The following FAM222B variants were observed in gnomAD, a reference collection of about 807,000 sequenced individuals.
The protein encoded by FAM222B is family with sequence similarity 222 member B.
Under a neutral mutation model 38.0 loss-of-function variants are expected in FAM222B, and 12 were observed. The ratio of observed to expected loss-of-function variants is 0.32; its 90% CI spans 0.20 to 0.51. The LOEUF is 0.51. Among genes scored for constraint, FAM222B ranks in the 20% least tolerant of loss-of-function variants. The probability of loss-of-function intolerance (pLI) is 0.97; values close to 1 mark genes in which losing one functional copy is unlikely to be tolerated. For synonymous variants in FAM222B, 329 were observed against 317.2 expected, an observed-to-expected ratio of 1.04 and a Z score of -0.40; for missense variants, 716 against 754.2, an observed-to-expected ratio of 0.95 and a Z score of 0.59.
At position 28,796,399 on chromosome 17, in the gene FAM222B, C is replaced by G. The variant is rs574964727; in HGVS notation, c.-40-29692G>C. On this transcript the variant is annotated intron_variant, in intron 1 of 2. Coordinates refer to ENST00000581407, the MANE Select transcript of FAM222B (RefSeq NM_001077498.3). ...CCAGTTAATACCCAGCATGTTGGGC[C>G]AGGAGAAAAATCATTAACTGGTGCT... Among the ~76,000 whole-genome samples the G allele has an allele frequency of 4.5e-4, 68 of 152,248 alleles. 2 individuals carry two copies. The highest frequency in any genetic ancestry group is 1.3e-3 in the Admixed American group (20 of 15,276).
At chr17:28,851,161 G>T (rs2039178559) in intron 1 of FAM222B, among the ~76,000 whole-genome samples, 1 of 151,668 alleles carries the variant, frequency 6.6e-6, no homozygotes, top group Admixed American at 6.6e-5. Context: ...CAAGGCTAGG[G>T]GCAGTAACTC....
chr17:28,762,691 C>A (rs1283005992), intron 2 of FAM222B, among the ~76,000 whole-genome samples: 3 of 146,500 alleles, frequency 2.0e-5, no homozygotes, highest in Non-Finnish European at 4.5e-5. Context: ...GTAATCCCAG[C>A]ACTTTGGGAG....
chr17:28,831,045 G>A (rs1394745474), intron 1 of FAM222B, among the ~76,000 whole-genome samples: 1 of 148,510 alleles, frequency 6.7e-6, no homozygotes, highest in Non-Finnish European at 1.5e-5. Context: ...ACCTTGGCTG[G>A]AATGTAGTGG....
rs944932152 is a variant in FAM222B, at chr17:28,831,681, A to AT, written c.-41+11000dup. On this transcript the variant is annotated intron_variant, in intron 1 of 2. Transcript: ENST00000581407. ...GCAACTATGCCAGGCTAATTTTTGTATTTTTTTGTAGAGATGGGATTTCAC... is the reference window on the plus strand; with the variant it reads ...GCAACTATGCCAGGCTAATTTTTGTATTTTTTTTGTAGAGATGGGATTTCAC... Among the ~76,000 whole-genome samples, 7 of 151,004 alleles carry AT rather than the reference A, an allele frequency of 4.6e-5. No individual in the cohort carries two copies. The East Asian group carries it at 7.8e-4, about 17-fold the overall frequency.
intron 1 of FAM222B, among the ~76,000 whole-genome samples, chr17:28,839,064 A>T (rs964716360): frequency 2.0e-5 from 3 of 151,802 alleles, no homozygotes; most frequent in African/African-American, 7.3e-5. Flanking sequence ...GAAATTAGCC[A>T]GGCATGGTGG....
rs2034856489 is a variant in FAM222B, at chr17:28,758,667, G to A, written c.1292C>T (p.Pro431Leu). 1 of 1,607,492 alleles carries A rather than the reference G, an allele frequency of 6.2e-7. No homozygotes were observed. Among genetic ancestry groups the A allele is most frequent in the East Asian group, 2.2e-5 (1 of 44,722 alleles). Reference protein sequence around the residue: ...HLKPPLEKPTPSPPVNGMAAP... With the variant: ...HLKPPLEKPTLSPPVNGMAAP... The stretch of plus-strand genomic sequence containing the variant: ...TGCCATGCCGTTGACTGGTGGGGAT[G>A]GGGTCGGCTTTTCCAGGGGTGGCTT... The change falls in exon 3 of 3, where the codon CCA becomes CTA. Residue 431 changes from proline to leucine, a missense_variant. Transcript: ENST00000581407.
chr17:28,827,319 T>C (rs558695732), intron 1 of FAM222B, among the ~76,000 whole-genome samples: 2 of 151,804 alleles, frequency 1.3e-5, no homozygotes, highest in South Asian at 2.1e-4. Flanking sequence ...GACAGTGCCA[T>C]GGCACTCCAA....
chr17:28,785,761 C>T (rs1203749438), intron 1 of FAM222B, among the ~76,000 whole-genome samples: 2 of 150,902 alleles, frequency 1.3e-5, no homozygotes, highest in African/African-American at 2.4e-5. Flanking sequence ...AGTGCAATGA[C>T]GCAATCTCGC....
At chr17:28,813,524 C>CT (rs36026990) in intron 1 of FAM222B, among the ~76,000 whole-genome samples, 214 of 147,796 alleles carry the variant, frequency 1.4e-3, no homozygotes, top group East Asian at 7.8e-3. Flanking sequence ...ACAGTTGTTT[C>CT]TTTTTTTTTT....
At position 28,758,886 on chromosome 17, in the gene FAM222B, C is replaced by G; in HGVS notation, c.1073G>C (p.Ser358Thr). The G allele has an allele frequency of 3.1e-6, 5 of 1,608,560 alleles. No individual in the cohort carries two copies. Among genetic ancestry groups the G allele is most frequent in the South Asian group, 1.1e-5 (1 of 90,010 alleles). The change falls in exon 3 of 3, where the codon AGC (serine) becomes ACC (threonine). Residue 358 changes from serine (S) to threonine (T), a missense_variant. Physicochemically the swap from Ser to Thr is moderately conservative, Grantham distance 58 (BLOSUM62 1). Coordinates refer to ENST00000581407, the MANE Select transcript of FAM222B (RefSeq NM_001077498.3). The stretch of plus-strand genomic sequence containing the variant: ...GTTCCAGGTGACTGGCTTGAGGTCG[C>G]TAGGGTAGCCAGTGGGGACGCGAGA... ...GISRVPTGYPSDLKPVTWNQH... is the reference protein window; with the variant it reads ...GISRVPTGYPTDLKPVTWNQH...
intron 1 of FAM222B, among the ~76,000 whole-genome samples, chr17:28,854,194 C>T (rs2039207081): frequency 6.6e-6 from 1 of 152,138 alleles, no homozygotes; most frequent in Non-Finnish European, 1.5e-5. Flanking sequence ...CCGCCCGCCT[C>T]GGCCTCCCAA....
chr17:28,773,419 C>G (rs1364286138), intron 1 of FAM222B, among the ~76,000 whole-genome samples: 1 of 123,208 alleles, frequency 8.1e-6, no homozygotes, highest in Non-Finnish European at 1.6e-5. Context: ...GTGGAGGTTG[C>G]AATGAGCTTA....
At position 28,853,946 on chromosome 17, in the gene FAM222B, T is replaced by C. The variant is rs115629413; in HGVS notation, c.-41+1004A>G. ...ACCAAAGTTTATCTCTGTTTCTTTT[T>C]TTTTTTTTTTTTTTTGAGATGGAGT... On this transcript the variant is annotated intron_variant, in intron 1 of 2. Transcript: ENST00000577513. Among the ~76,000 whole-genome samples, 583 of 147,932 alleles carry C rather than the reference T, an allele frequency of 3.9e-3. 6 individuals are homozygous for C. The highest frequency in any genetic ancestry group is 0.014 in the African/African-American group (558 of 40,076).
chr17:28,840,955 C>G (rs11652272), intron 1 of FAM222B, among the ~76,000 whole-genome samples: 28,641 of 149,464 alleles, frequency 0.19, 2,805 homozygotes, highest in South Asian at 0.3. Context: ...AGCAAGACTC[C>G]TTCACCCACC....
chr17:28,757,315 T>TGG lies in FAM222B; in HGVS notation c.*954_*955insCC, dbSNP rs2034749374. Reference sequence around the variant, plus strand: ...CCCACACTACATTCATACAGAAACGTAACGTTTAAAACTTACAGTGTAGAG... The same window carrying TGG: ...CCCACACTACATTCATACAGAAACGTGGAACGTTTAAAACTTACAGTGTAGAG... On this transcript the variant is annotated 3_prime_UTR_variant, in exon 3 of 3. Coordinates refer to ENST00000581407, the MANE Select transcript of FAM222B (RefSeq NM_001077498.3). 1 of 152,248 alleles carries TGG rather than the reference T, an allele frequency of 6.6e-6. No individual in the cohort carries two copies. Among genetic ancestry groups the TGG allele is most frequent in the South Asian group, 2.1e-4 (1 of 4,822 alleles). 9.4% of individuals were successfully genotyped at this position (152,248 alleles called of 1,614,324 possible).
intron 1 of FAM222B, among the ~76,000 whole-genome samples, chr17:28,814,935 G>A (rs903259314): frequency 4.0e-5 from 6 of 151,108 alleles, no homozygotes; most frequent in South Asian, 2.1e-4. Flanking sequence ...CACCGTGCCC[G>A]GCTAATTTTT....
intron 1 of FAM222B, among the ~76,000 whole-genome samples, chr17:28,776,526 G>A (rs921609012): frequency 2.1e-5 from 3 of 139,614 alleles, no homozygotes; most frequent in Non-Finnish European, 4.5e-5. Context: ...GCACAAACAC[G>A]GCTCACTGTA....
At chr17:28,767,427 G>A (rs1032491421) in intron 1 of FAM222B, among the ~76,000 whole-genome samples, 5 of 148,180 alleles carry the variant, frequency 3.4e-5, no homozygotes, top group Admixed American at 1.4e-4. Context: ...CAAAGTGCCG[G>A]GATTACAGGT....
upstream of FAM222B, among the ~76,000 whole-genome samples, chr17:28,843,138 C>CTT (rs1354572041): frequency 5.0e-5 from 4 of 80,296 alleles, no homozygotes; most frequent in Admixed American, 1.2e-4. Flanking sequence ...AAATTTGGGT[C>CTT]TTTTTTTTTT....
Sources: allele counts gnomAD v4.1 joint callset (sites outside exome capture counted in the v4.1 genomes callset), GRCh38; gene constraint gnomAD v4.1.1; transcripts MANE v1.5; gene names NCBI Gene and HGNC (gene_info 2026-07-23, HGNC 2026-07-21).